The following PRH1 variants were observed in gnomAD, a reference collection of about 807,000 sequenced individuals.
PRH1 encodes proline rich protein HaeIII subfamily 1.
Under a neutral mutation model 7.9 loss-of-function variants are expected in PRH1, and 7 were observed. The observed-to-expected ratio is 0.89, with a 90% CI of 0.50 to 1.67. The LOEUF is 1.67. Among genes scored for constraint, PRH1 ranks in the 40% most tolerant of loss-of-function variants. PRH1 has a pLI of 0.00. For missense variants in PRH1, 109 were observed against 223.6 expected (o/e 0.49, Z 3.27); for synonymous variants, 45 against 80.8 (o/e 0.56, Z 2.38).
At chr12:11,026,883 A>G (rs549118448) in intron 1 of PRH1, among the ~76,000 whole-genome samples, 6 of 152,362 alleles carry the variant, frequency 3.9e-5, no homozygotes, top group African/African-American at 1.4e-4. Flanking sequence ...GTATCATAAT[A>G]ATAACACTGT....
chr12:11,042,392 C>A (rs1326363716), intron 1 of PRH1, among the ~76,000 whole-genome samples: 2 of 148,970 alleles, frequency 1.3e-5, no homozygotes, highest in Non-Finnish European at 3.0e-5. Context: ...TAGACACATA[C>A]AACCTACAAA....
intron 1 of PRH1, chr12:11,005,853 TA>T (rs1253115039): frequency 6.6e-6 from 1 of 152,164 alleles, no homozygotes; most frequent in Non-Finnish European, 1.5e-5. Context: ...ATGAATTGTT[TA>T]ATTAAAATAT....
At chr12:10,909,294 T>C in intron 2 of PRH1, 1 of 1,610,184 alleles carries the variant, frequency 6.2e-7, no homozygotes, top group Non-Finnish European at 8.5e-7. Flanking sequence ...CAGGGCACTT[T>C]CCATGTCAGA....
At chr12:10,934,824 C>T (rs563102802) in intron 2 of PRH1, among the ~76,000 whole-genome samples, 1 of 152,214 alleles carries the variant, frequency 6.6e-6, no homozygotes, top group Admixed American at 6.5e-5. Context: ...TGTTAATAAA[C>T]AAATAAAGAC....
intron 2 of PRH1, among the ~76,000 whole-genome samples, chr12:10,933,565 T>C (rs10492101): frequency 0.24 from 36,473 of 152,060 alleles, 4,445 homozygotes; most frequent in Non-Finnish European, 0.26. Flanking sequence ...TAAGGAATGT[T>C]CATTATTTGT....
intron 1 of PRH1, among the ~76,000 whole-genome samples, chr12:11,069,248 A>C (rs1943957077): frequency 6.6e-6 from 1 of 152,116 alleles, no homozygotes; most frequent in Admixed American, 6.5e-5. Context: ...TAAATTTGAC[A>C]TTTGAAGGAA....
chr12:10,902,200 C>T lies in PRH1; in HGVS notation c.-58-17925G>A, dbSNP rs1261572270. On this transcript the variant is annotated intron_variant, in intron 2 of 3. Transcript: ENST00000539853. Reference sequence around the variant, plus strand: ...AGAGCTTCTGGAATTGAGAAACTTACTTAAGGAATTATAAAGTACAATTGA... The same window carrying T: ...AGAGCTTCTGGAATTGAGAAACTTATTTAAGGAATTATAAAGTACAATTGA... Among the ~76,000 whole-genome samples, 5 of 151,996 alleles carry T rather than the reference C, an allele frequency of 3.3e-5. No individual in the cohort carries two copies. In the South Asian group the frequency reaches 1.0e-3, roughly 32 times the overall value.
At chr12:11,099,603 A>G (rs1945171783) in intron 1 of PRH1, among the ~76,000 whole-genome samples, 1 of 152,176 alleles carries the variant, frequency 6.6e-6, no homozygotes, top group South Asian at 2.1e-4. Flanking sequence ...AGGGTGAGGC[A>G]GGAGAATCGC....
intron 2 of PRH1, among the ~76,000 whole-genome samples, chr12:10,900,010 A>G (rs1299814041): frequency 6.6e-6 from 1 of 152,182 alleles, no homozygotes; most frequent in Non-Finnish European, 1.5e-5. Flanking sequence ...ACCAACCTAC[A>G]TAAATTTTTC....
chr12:11,021,981 C>T (rs983623900), intron 1 of PRH1: 2 of 1,600,238 alleles, frequency 1.2e-6, no homozygotes, highest in African/African-American at 1.4e-5. Context: ...AACAGATTAA[C>T]AGCAGAAAAC....
intron 1 of PRH1, among the ~76,000 whole-genome samples, chr12:11,108,496 A>G (rs1296406569): frequency 1.3e-5 from 2 of 152,206 alleles, no homozygotes; most frequent in African/African-American, 4.8e-5. Context: ...CTGGTTAGAC[A>G]GCGGGTGAAG....
intron 2 of PRH1, chr12:10,938,404 C>T (rs550743983): frequency 1.2e-6 from 2 of 1,614,050 alleles, no homozygotes; most frequent in South Asian, 2.2e-5. Flanking sequence ...AAGCCATTCC[C>T]ATCACCTGGG....
At chr12:10,928,676 G>A (rs1950157088) in intron 2 of PRH1, among the ~76,000 whole-genome samples, 1 of 152,234 alleles carries the variant, frequency 6.6e-6, no homozygotes, top group Admixed American at 6.5e-5. Flanking sequence ...TGTCATCTAT[G>A]TGTACCCAGC....
At chr12:11,110,128 T>C (rs772865720) in intron 1 of PRH1, among the ~76,000 whole-genome samples, 2 of 151,918 alleles carry the variant, frequency 1.3e-5, no homozygotes. Context: ...GAAAAAAGAA[T>C]GAAAAGGAAC....
chr12:11,130,823 C>T (rs551667187), intron 1 of PRH1, among the ~76,000 whole-genome samples: 2 of 152,280 alleles, frequency 1.3e-5, no homozygotes, highest in East Asian at 1.9e-4. Context: ...TAAGCACAAG[C>T]CCCTATAAGC....
At chr12:11,057,512 A>G (rs1293533345) in intron 1 of PRH1, among the ~76,000 whole-genome samples, 1 of 150,482 alleles carries the variant, frequency 6.6e-6, no homozygotes, top group Non-Finnish European at 1.5e-5. Context: ...GAAATTCTCC[A>G]CTGCTGGCAA....
chr12:10,972,266 T>C (rs1403134852), intron 2 of PRH1, among the ~76,000 whole-genome samples: 2 of 152,182 alleles, frequency 1.3e-5, no homozygotes, highest in East Asian at 3.9e-4. Context: ...GCAAGTCTAA[T>C]ATCACTGGGC....
intron 1 of PRH1, among the ~76,000 whole-genome samples, chr12:11,101,825 T>G (rs1005595832): frequency 1.3e-5 from 2 of 152,190 alleles, no homozygotes; most frequent in Non-Finnish European, 2.9e-5. Flanking sequence ...CTCCTTAAGC[T>G]GATAAGCAAC....
intron 2 of PRH1, among the ~76,000 whole-genome samples, chr12:10,964,176 T>C (rs1216508497): frequency 2.0e-5 from 3 of 152,238 alleles, no homozygotes; most frequent in African/African-American, 7.2e-5. Flanking sequence ...CAATATTTTC[T>C]ATAATTTGGC....
Sources: allele counts gnomAD v4.1 joint callset (sites outside exome capture counted in the v4.1 genomes callset), GRCh38; gene constraint gnomAD v4.1.1; transcripts MANE v1.5; gene names NCBI Gene and HGNC (gene_info 2026-07-23, HGNC 2026-07-21).